The following MAGI2 variants were observed in gnomAD, a reference collection of about 807,000 sequenced individuals.
MAGI2 encodes membrane-associated guanylate kinase, WW and PDZ domain-containing protein 2.
Under a neutral mutation model 133.3 loss-of-function variants are expected in MAGI2, and 35 were observed. The observed-to-expected ratio is 0.26, with a 90% CI of 0.20 to 0.35. The LOEUF is 0.35. Among genes scored for constraint, MAGI2 ranks in the 10% least tolerant of loss-of-function variants. The pLI, the probability that MAGI2 is intolerant of heterozygous loss-of-function variation, is 1.00. For synonymous variants in MAGI2, 729 were observed against 710.6 expected (o/e 1.03, Z -0.41); for missense variants, 1,636 against 1,863.4 (o/e 0.88, Z 2.25).
At chr7:79,192,317 TA>T (rs1359624901) in intron 1 of MAGI2, among the ~76,000 whole-genome samples, 2 of 151,890 alleles carry the variant, frequency 1.3e-5, no homozygotes, top group Non-Finnish European at 2.9e-5. Context: ...CTCTGCAACT[TA>T]AAAAAGTATC....
At chr7:79,093,394 AT>A (rs1384073018) in intron 1 of MAGI2, among the ~76,000 whole-genome samples, 1 of 152,190 alleles carries the variant, frequency 6.6e-6, no homozygotes, top group African/African-American at 2.4e-5. Flanking sequence ...GACCACCACA[AT>A]AAAGCAAATA....
At chr7:78,645,695 G>A (rs1015370422) in intron 2 of MAGI2, among the ~76,000 whole-genome samples, 5 of 151,126 alleles carry the variant, frequency 3.3e-5, no homozygotes, top group African/African-American at 1.2e-4. Flanking sequence ...AAGTTTTTAA[G>A]TGTGTCCAAG....
chr7:78,695,046 A>G (rs938890218), intron 2 of MAGI2, among the ~76,000 whole-genome samples: 6 of 152,212 alleles, frequency 3.9e-5, no homozygotes, highest in African/African-American at 1.4e-4. Flanking sequence ...TAACACGGTG[A>G]AACCCCGTCT....
At position 78,290,612 on chromosome 7, in the gene MAGI2, C is replaced by G. The variant is rs543433807; in HGVS notation, c.1409-34031G>C. 2.6e-5 allele frequency among the ~76,000 whole-genome samples: 4 copies of G among 152,276 alleles called. No homozygotes were observed. In the East Asian group the frequency reaches 7.7e-4, roughly 29 times the overall value. On this transcript the variant is annotated intron_variant, in intron 9 of 21. Transcript: ENST00000354212. ...GCAGACCTAATAGACATCTACAGAACTCTCCACCCCAAATCAACAGAATAT... is the reference window on the plus strand; with the variant it reads ...GCAGACCTAATAGACATCTACAGAAGTCTCCACCCCAAATCAACAGAATAT...
At chr7:79,062,156 C>A (rs1268178119) in intron 1 of MAGI2, among the ~76,000 whole-genome samples, 4 of 151,954 alleles carry the variant, frequency 2.6e-5, no homozygotes, top group Admixed American at 6.6e-5. Flanking sequence ...TTAACTGTAC[C>A]ACTCCATACT....
At chr7:78,376,015 T>C (rs1379660557) in intron 6 of MAGI2, among the ~76,000 whole-genome samples, 5 of 150,442 alleles carry the variant, frequency 3.3e-5, no homozygotes, top group Non-Finnish European at 7.4e-5. Flanking sequence ...AAAATGCATT[T>C]GATACTATAA....
intron 2 of MAGI2, among the ~76,000 whole-genome samples, chr7:78,646,179 C>T (rs751680300): frequency 8.6e-5 from 13 of 151,846 alleles, no homozygotes; most frequent in African/African-American, 2.4e-4. Context: ...ATTGTATCTG[C>T]AATATTTTAT....
At chr7:78,616,568 A>G (rs1807121017) in intron 3 of MAGI2, 1 of 151,692 alleles carries the variant, frequency 6.6e-6, no homozygotes, top group Non-Finnish European at 1.5e-5. Context: ...CCATAGCAAG[A>G]TAAGAACTAC....
chr7:79,141,320 G>T (rs1822109506), intron 1 of MAGI2, among the ~76,000 whole-genome samples: 2 of 152,094 alleles, frequency 1.3e-5, no homozygotes, highest in Admixed American at 6.5e-5. Flanking sequence ...TTGGCTCTTG[G>T]ATTTTTCATA....
chr7:78,624,581 G>T (rs2150948379), intron 3 of MAGI2, among the ~76,000 whole-genome samples: 1 of 152,238 alleles, frequency 6.6e-6, no homozygotes, highest in Non-Finnish European at 1.5e-5. Flanking sequence ...TCACTTAGAA[G>T]TGGGAGTTGG....
intron 3 of MAGI2, among the ~76,000 whole-genome samples, chr7:78,533,328 T>C (rs1797620781): frequency 6.6e-6 from 1 of 151,862 alleles, no homozygotes; most frequent in African/African-American, 2.4e-5. Flanking sequence ...GGGAAAGAAA[T>C]GTGTGGGTCA....
rs751298134 is a variant in MAGI2, at chr7:79,453,145, T to TTGC, written c.173_175dup (p.Ser58dup). The TTGC allele has an allele frequency of 3.1e-6, 5 of 1,613,926 alleles. No homozygotes were observed. In the South Asian group the frequency reaches 5.5e-5, roughly 18 times the overall value. ...CAGCAGCAGCTCCTCCGACACCAATTTGCTGCCGCTCTCATAGGCCACCTT... is the reference window on the plus strand; with the variant it reads ...CAGCAGCAGCTCCTCCGACACCAATTTGCTGCTGCCGCTCTCATAGGCCACCTT... On this transcript the variant is annotated inframe_insertion, in exon 1 of 22. Transcript: ENST00000354212.
intron 3 of MAGI2, among the ~76,000 whole-genome samples, chr7:78,555,466 A>G (rs951618765): frequency 2.0e-5 from 3 of 152,222 alleles, no homozygotes; most frequent in African/African-American, 7.2e-5. Flanking sequence ...TCTGGCTGCA[A>G]AAGTTTGTGG....
intron 1 of MAGI2, among the ~76,000 whole-genome samples, chr7:79,107,638 TGA>T (rs983122101): frequency 4.6e-5 from 7 of 152,238 alleles, no homozygotes; most frequent in African/African-American, 1.7e-4. Flanking sequence ...GGGTGATACC[TGA>T]GAGTTTATAT....
intron 20 of MAGI2, among the ~76,000 whole-genome samples, chr7:78,102,327 T>G (rs1818278871): frequency 6.6e-6 from 1 of 152,304 alleles, no homozygotes; most frequent in South Asian, 2.1e-4. Context: ...TGAAATTTGC[T>G]AAGAGAGTAG....
At chr7:78,936,213 T>C (rs1010036709) in intron 2 of MAGI2, among the ~76,000 whole-genome samples, 4 of 151,894 alleles carry the variant, frequency 2.6e-5, no homozygotes, top group African/African-American at 9.7e-5. Context: ...ATAATAATAA[T>C]GACAAAAATA....
intron 8 of MAGI2, among the ~76,000 whole-genome samples, chr7:78,344,902 A>G (rs1790745013): frequency 6.6e-6 from 1 of 152,224 alleles, no homozygotes; most frequent in African/African-American, 2.4e-5. Flanking sequence ...AACAATTAAT[A>G]TCTGCTTTAA....
At chr7:78,698,657 A>G (rs1372299003) in intron 2 of MAGI2, among the ~76,000 whole-genome samples, 1 of 152,228 alleles carries the variant, frequency 6.6e-6, no homozygotes, top group Non-Finnish European at 1.5e-5. Flanking sequence ...TACAAAGGAA[A>G]GAGGTTTAAT....
chr7:78,666,589 G>A (rs1813616191), intron 2 of MAGI2, among the ~76,000 whole-genome samples: 1 of 152,146 alleles, frequency 6.6e-6, no homozygotes, highest in African/African-American at 2.4e-5. Flanking sequence ...GGGGGACACT[G>A]GCAAAAGCTC....
Sources: allele counts gnomAD v4.1 joint callset (sites outside exome capture counted in the v4.1 genomes callset), GRCh38; gene constraint gnomAD v4.1.1; transcripts MANE v1.5; gene names NCBI Gene and HGNC (gene_info 2026-07-23, HGNC 2026-07-21).